MUC22: variants seen among roughly 807,000 people sequenced by gnomAD.
MUC22 encodes the protein mucin 22.
MUC22 carries 24 observed loss-of-function variants against 40.3 expected under a neutral mutation model. The observed-to-expected ratio is 0.60, with a 90% CI of 0.43 to 0.84. MUC22 has a LOEUF of 0.84. Among genes scored for constraint, MUC22 ranks in the 40% least tolerant of loss-of-function variants. The probability of loss-of-function intolerance (pLI) is 0.00; values close to 1 mark genes in which losing one functional copy is unlikely to be tolerated. For synonymous variants in MUC22, 765 were observed against 844.5 expected (o/e 0.91, Z 1.63); for missense variants, 1,926 against 2,130.7 (o/e 0.90, Z 1.89).
At chr6:31,007,256 A>T (rs555595379), upstream of MUC22, among the ~76,000 whole-genome samples, 1 of 151,586 alleles carries the variant, frequency 6.6e-6, no homozygotes, top group East Asian at 1.9e-4. This position sits in a 1 kb window ranked among gnomAD's most constrained non-coding sequence, Gnocchi z 4.0. Context: ...GCACTCAAGC[A>T]CATAGGACAT....
intron 2 of MUC22, among the ~76,000 whole-genome samples, chr6:31,031,118 C>CATGACTGGTGCTGT (rs1272109005): frequency 6.6e-6 from 1 of 152,216 alleles, no homozygotes; most frequent in Non-Finnish European, 1.5e-5. Flanking sequence ...CTTCTATTCT[C>CATGACTGGTGCTGT]ATGACTGGTG....
chr6:31,012,530 G>A (rs537037872), intron 1 of MUC22, among the ~76,000 whole-genome samples: 115 of 151,748 alleles, frequency 7.6e-4, no homozygotes, highest in Middle Eastern at 3.4e-3. Flanking sequence ...CCTCCTCTGG[G>A]CCAGGCACTG....
chr6:31,019,840 C>T (rs1764540870), intron 1 of MUC22, among the ~76,000 whole-genome samples: 1 of 152,084 alleles, frequency 6.6e-6, no homozygotes, highest in African/African-American at 2.4e-5. Flanking sequence ...GGTGACAGAG[C>T]AAGAAACTAA....
At chr6:31,025,559 C>A in exon 2 of MUC22, 1 of 1,526,962 alleles carries the variant, frequency 6.5e-7, no homozygotes, top group Non-Finnish European at 8.8e-7. Context: ...GCCTCCATCA[C>A]AGGCTCTGAG....
At chr6:31,016,694 G>A (rs1044163821) in intron 1 of MUC22, among the ~76,000 whole-genome samples, 17 of 152,370 alleles carry the variant, frequency 1.1e-4, no homozygotes, top group African/African-American at 3.1e-4. Context: ...TTCTGGCTGC[G>A]CTTGAGGGGC....
At chr6:31,012,207 T>C (rs1396450016) in intron 1 of MUC22, among the ~76,000 whole-genome samples, 1 of 152,026 alleles carries the variant, frequency 6.6e-6, no homozygotes, top group Non-Finnish European at 1.5e-5. Context: ...AAAGAGAAGG[T>C]ATAGGTTGGA....
At chr6:31,018,354 C>A (rs954872754) in intron 1 of MUC22, among the ~76,000 whole-genome samples, 1 of 152,180 alleles carries the variant, frequency 6.6e-6, no homozygotes, top group African/African-American at 2.4e-5. Context: ...ATGCCACACC[C>A]AAATCTTTAG....
At chr6:31,008,174 G>C (rs1763632244), upstream of MUC22, among the ~76,000 whole-genome samples, 1 of 152,232 alleles carries the variant, frequency 6.6e-6, no homozygotes, top group South Asian at 2.1e-4. Flanking sequence ...CAGCTGGACT[G>C]ATAGTTTAAT....
chr6:31,021,776 C>T (rs1004566779), intron 1 of MUC22, among the ~76,000 whole-genome samples: 1 of 152,158 alleles, frequency 6.6e-6, no homozygotes, highest in African/African-American at 2.4e-5. Flanking sequence ...TACCAATCAG[C>T]AGGATGTGGG....
At chr6:31,035,039 G>T (rs758482929) in exon 4 of MUC22, 7 of 1,253,002 alleles carry the variant, frequency 5.6e-6, no homozygotes, top group Non-Finnish European at 7.6e-6. Context: ...TTATGGGTGG[G>T]AGGGGGTCAT....
chr6:31,026,654 C>T lies in MUC22; in HGVS notation c.1223C>T (p.Thr408Ile), dbSNP rs369388098. Residue 408 changes from threonine to isoleucine, a missense_variant, in exon 2 of 4, where the codon ACA becomes ATA. Physicochemically the swap from Thr to Ile is moderately conservative, Grantham distance 89. This residue lies in a region of MUC22 where 1,281 missense variants were observed against 1,337.8 expected (regional missense o/e 0.96). Coordinates refer to ENST00000561890, the Ensembl canonical transcript of MUC22. ...TCCACCGTGGGCTCTGAGACCACCA[C>T]AGCCTATACTGCAGATTCTGAGACC... The T allele has an allele frequency of 4.0e-3, 6,107 of 1,508,288 alleles. 806 individuals carry two copies. The South Asian group carries it at 0.059, about 15-fold the overall frequency. The allele number at this position is 1,508,288 out of a possible 1,614,324, so 93.4% of individuals were successfully genotyped here. A position where few individuals can be genotyped will look rare whatever the true frequency, so the allele number is the denominator to read the frequency against.
rs115084280 is a variant in MUC22 at position 31,021,094 on chromosome 6, C to T, written c.71-4408C>T. Among the ~76,000 whole-genome samples the T allele has an allele frequency of 7.7e-3, 1,168 of 152,374 alleles. 14 individuals are homozygous for T. Among genetic ancestry groups the T allele is most frequent in the African/African-American group, 0.026 (1,085 of 41,584 alleles). On this transcript the variant is annotated intron_variant, in intron 1 of 3. Coordinates refer to ENST00000561890, the Ensembl canonical transcript of MUC22. ...CCCAGTCCCACCGACCGCCCACGGG[C>T]TGAGGACTGTGAGCGCATGGCGTAG...
At position 31,011,175 on chromosome 6, in the gene MUC22, C is replaced by T. The variant is rs1264698531; in HGVS notation, c.70+399C>T. Among the ~76,000 whole-genome samples the T allele has an allele frequency of 6.6e-6, 1 of 150,444 alleles. No homozygotes were observed. Among genetic ancestry groups the T allele is most frequent in the Non-Finnish European group, 1.5e-5 (1 of 67,558 alleles). ...TAAAACCAGGATCTCAGTCTAAAGT[C>T]AAGTAAAAATCCTTCAATCCTTCTT... is the stretch of plus-strand genomic sequence containing the variant. On this transcript the variant is annotated intron_variant, in intron 1 of 3. Coordinates refer to ENST00000561890, the Ensembl canonical transcript of MUC22. This position sits in a 1 kb window ranked among gnomAD's most constrained non-coding sequence, Gnocchi z 4.5.
chr6:31,021,061 C>T (rs1365542057), intron 1 of MUC22, among the ~76,000 whole-genome samples: 1 of 152,250 alleles, frequency 6.6e-6, no homozygotes, highest in Non-Finnish European at 1.5e-5. Context: ...GCCCCCTGCT[C>T]CAGGGCGCCC....
rs1766103668 is a variant in MUC22, at chr6:31,032,078, C to T, written c.4670-118C>T. 1.4e-5 allele frequency: 17 copies of T among 1,176,144 alleles called. No homozygotes were observed. In the South Asian group the frequency reaches 2.7e-4, roughly 19 times the overall value. The allele number at this position is 1,176,144 out of a possible 1,614,324, so 72.9% of individuals were successfully genotyped here. A position where few individuals can be genotyped will look rare whatever the true frequency, so the allele number is the denominator to read the frequency against. The stretch of plus-strand genomic sequence containing the variant: ...CCATCTCTCCTCCCCCACCACACCT[C>T]TCCTGAGCCACCTCCACCATAGGTT... On this transcript the variant is annotated intron_variant, in intron 2 of 3. Coordinates refer to ENST00000561890, the Ensembl canonical transcript of MUC22. The surrounding 1 kb of genome is among the most constrained non-coding windows in gnomAD (Gnocchi z 4.1).
At chr6:31,017,156 A>G (rs529045210) in intron 1 of MUC22, among the ~76,000 whole-genome samples, 1 of 152,342 alleles carries the variant, frequency 6.6e-6, no homozygotes, top group African/African-American at 2.4e-5. Flanking sequence ...ACCCGGTCCC[A>G]TAGACTGCCC....
intron 1 of MUC22, among the ~76,000 whole-genome samples, chr6:31,015,236 A>T (rs7760786): frequency 0.15 from 22,099 of 151,958 alleles, 1,770 homozygotes; most frequent in African/African-American, 0.19. Flanking sequence ...TCCTGGCTGG[A>T]CCCTTTGCTA....
In MUC22 at chr6:31,026,371, G is replaced by T; in HGVS notation, c.940G>T (p.Gly314Cys). 2.0e-6 allele frequency: 3 copies of T among 1,507,042 alleles called. 1 individual carries two copies. Among genetic ancestry groups the T allele is most frequent in the Non-Finnish European group, 2.7e-6 (3 of 1,128,838 alleles). The allele number at this position is 1,507,042 out of a possible 1,614,324, so 93.4% of individuals were successfully genotyped here. The change falls in exon 2 of 4, where the codon GGT (glycine) becomes TGT (cysteine). Residue 314 changes from glycine (G) to cysteine (C), a missense_variant. By Grantham distance (159) the Gly-to-Cys change is radical. Around this residue, in one of 3 missense-constraint regions of MUC22, gnomAD observed 1,281 missense variants for 1,337.8 expected, o/e 0.96. Transcript: ENST00000561890. ...TCAGACCACCATAGTCTCTATTTCA[G>T]GTTCTGAGATCACCACCACCTCTAC...
At chr6:31,006,396 G>C (rs973848930), upstream of MUC22, among the ~76,000 whole-genome samples, 5 of 152,188 alleles carry the variant, frequency 3.3e-5, no homozygotes, top group Non-Finnish European at 7.3e-5. Flanking sequence ...AGGCAGTCAA[G>C]AGTCAATGGT....
Sources: gnomAD v4.1 joint callset for allele counts (sites outside exome capture counted in the v4.1 genomes callset) on GRCh38, gnomAD v4.1.1 for gene constraint, gnomAD v4.1.1 regional missense constraint, Gnocchi (gnomAD v3.1) non-coding constraint, MANE v1.5 for transcripts, NCBI Gene and HGNC (gene_info 2026-07-23, HGNC 2026-07-21) for gene names.